LMF1: variants seen among roughly 807,000 people sequenced by gnomAD.
LMF1 encodes the protein transmembrane protein 112.
In LMF1, 68 loss-of-function variants were observed where a neutral mutation model predicts 60.6. That is an observed-to-expected ratio of 1.12 (90% CI 0.92 to 1.37). The LOEUF (loss-of-function observed/expected upper bound fraction) is 1.37. LMF1 is among the 40% of genes most tolerant of loss of function. The probability of loss-of-function intolerance (pLI) is 0.00; values close to 1 mark genes in which losing one functional copy is unlikely to be tolerated. For missense variants in LMF1, 948 were observed against 767.2 expected (o/e 1.24, Z -2.78); for synonymous variants, 418 against 324.7 (o/e 1.29, Z -3.09).
chr16:871,145 C>T lies in LMF1; in HGVS notation c.1078+16G>A, dbSNP rs1358416162. 8 of 1,560,478 alleles carry T rather than the reference C, an allele frequency of 5.1e-6. No homozygotes were observed. Among genetic ancestry groups the T allele is most frequent in the Non-Finnish European group, 6.1e-6 (7 of 1,153,194 alleles). On this transcript the variant is annotated intron_variant, in intron 7 of 10. Coordinates refer to ENST00000262301, the MANE Select transcript of LMF1 (RefSeq NM_022773.4). ...TCTCCTGCCCTTGGGCAGGGGCCCC[C>T]AGCTGAGCCACCTACCGAATCTGGG...
intron 3 of LMF1, among the ~76,000 whole-genome samples, chr16:930,400 C>G (rs560513233): frequency 6.6e-6 from 1 of 152,178 alleles, no homozygotes; most frequent in African/African-American, 2.4e-5. Context: ...CCCATCTCCA[C>G]AAAAAGTTAA....
chr16:894,468 C>T (rs989011525), intron 4 of LMF1, among the ~76,000 whole-genome samples: 2 of 151,944 alleles, frequency 1.3e-5, no homozygotes, highest in African/African-American at 4.8e-5. Flanking sequence ...CCCTGTCCAC[C>T]CGACTTCTAC....
upstream of LMF1, among the ~76,000 whole-genome samples, chr16:973,201 C>T (rs2151501404): frequency 6.6e-6 from 1 of 152,114 alleles, no homozygotes; most frequent in African/African-American, 2.4e-5. Flanking sequence ...AAAAATTAGC[C>T]AGGTGTGGTG....
At chr16:882,883 G>A (rs989892440) in intron 5 of LMF1, among the ~76,000 whole-genome samples, 33 of 146,336 alleles carry the variant, frequency 2.3e-4, no homozygotes, top group African/African-American at 7.5e-4. Context: ...GGAGAAAGAG[G>A]AGCCACCCAG....
At chr16:869,122 G>A (rs1194768724) in intron 9 of LMF1, 66 bp from the exon 10 acceptor site, 10 of 1,033,660 alleles carry the variant, frequency 9.7e-6, no homozygotes, top group East Asian at 2.4e-5. Flanking sequence ...CCCTCCGGAC[G>A]CTCGGCTGTG....
chr16:924,076 T>A (rs4984983), intron 3 of LMF1, among the ~76,000 whole-genome samples: 45,258 of 152,100 alleles, frequency 0.3, 8,651 homozygotes, highest in African/African-American at 0.53. Flanking sequence ...AGTCACAATA[T>A]TTACAGAGTC....
rs1253721806 is a variant in LMF1 at position 874,519 on chromosome 16, C to T, written c.898-3178G>A. Among the ~76,000 whole-genome samples, 6 of 152,204 alleles carry T rather than the reference C, an allele frequency of 3.9e-5. No individual in the cohort carries two copies. The South Asian group carries it at 1.0e-3, about 26-fold the overall frequency. On this transcript the variant is annotated intron_variant, in intron 6 of 10. Coordinates refer to ENST00000262301, the MANE Select transcript of LMF1 (RefSeq NM_022773.4). The surrounding 1 kb of genome is among the most constrained non-coding windows in gnomAD (Gnocchi z 4.1). ...TCCCGTGGGGTGCTGGCTGGGCGGC[C>T]GGGCTCTGCGGTCACTGCTCTTGTG...
chr16:965,397 G>C (rs1406305297), intron 1 of LMF1, among the ~76,000 whole-genome samples: 1 of 152,174 alleles, frequency 6.6e-6, no homozygotes. Flanking sequence ...GACAAGCCTT[G>C]AGGCTGAAGA....
chr16:907,229 G>C (rs538861930), intron 4 of LMF1, among the ~76,000 whole-genome samples: 1 of 152,098 alleles, frequency 6.6e-6, no homozygotes, highest in East Asian at 1.9e-4. Context: ...GTGAAACCTA[G>C]TCTCTACTAA....
upstream of LMF1, chr16:975,850 C>T (rs762573623): frequency 4.6e-5 from 21 of 453,852 alleles, 1 homozygote; most frequent in South Asian, 1.7e-4. Context: ...AGGGCCTGGG[C>T]GGCCAGGGCC....
At chr16:954,208 C>G (rs963265500) in intron 2 of LMF1, 149 bp downstream of exon 2, 1 of 871,554 alleles carries the variant, frequency 1.1e-6, no homozygotes, top group Non-Finnish European at 1.8e-6. Context: ...ACTGGCCGCT[C>G]TGCCATGGCC....
At chr16:918,045 T>C (rs1011781074) in intron 3 of LMF1, among the ~76,000 whole-genome samples, 1 of 152,206 alleles carries the variant, frequency 6.6e-6, no homozygotes, top group African/African-American at 2.4e-5. Context: ...GCGGGGCGGC[T>C]GGCTGGGTTA....
At chr16:888,688 G>T (rs1175204780) in intron 5 of LMF1, among the ~76,000 whole-genome samples, 5 of 152,158 alleles carry the variant, frequency 3.3e-5, no homozygotes, top group Admixed American at 6.5e-5. Flanking sequence ...GCCCGTCCCT[G>T]GTCGACAGAC....
In LMF1 at chr16:897,536, C is replaced by T. The variant is rs990360182; in HGVS notation, c.664-4464G>A. 6.6e-6 allele frequency among the ~76,000 whole-genome samples: 1 copy of T among 152,248 alleles called. No homozygotes were observed. Among genetic ancestry groups the T allele is most frequent in the Non-Finnish European group, 1.5e-5 (1 of 68,052 alleles). On this transcript the variant is annotated intron_variant, in intron 4 of 10. Coordinates refer to ENST00000262301, the MANE Select transcript of LMF1 (RefSeq NM_022773.4). This position sits in a 1 kb window ranked among gnomAD's most constrained non-coding sequence, Gnocchi z 4.3. ...GAATTACTCGCGACAGGTCCTGCCTCCGCAGGAGAGACTCAAAGGGGAGAG... is the reference window on the plus strand; with the variant it reads ...GAATTACTCGCGACAGGTCCTGCCTTCGCAGGAGAGACTCAAAGGGGAGAG...
chr16:921,380 T>C (rs71380209), intron 3 of LMF1, among the ~76,000 whole-genome samples: 2,743 of 152,314 alleles, frequency 0.018, 61 homozygotes, highest in Admixed American at 0.039. Flanking sequence ...CACACGGACC[T>C]GCGCTCCCTG....
intron 1 of LMF1, among the ~76,000 whole-genome samples, chr16:964,420 T>C (rs950328776): frequency 2.0e-5 from 3 of 152,214 alleles, no homozygotes; most frequent in African/African-American, 4.8e-5. Flanking sequence ...TGGTTCTTAC[T>C]GGCCGTGGTT....
chr16:873,670 G>A (rs1035827422), intron 6 of LMF1: 1 of 152,028 alleles, frequency 6.6e-6, no homozygotes, highest in African/African-American at 2.4e-5. Context: ...GGGACCCTCT[G>A]CTGAGGAAAT....
At chr16:936,663 G>A (rs1018024803) in intron 2 of LMF1, among the ~76,000 whole-genome samples, 13 of 152,200 alleles carry the variant, frequency 8.5e-5, no homozygotes, top group African/African-American at 1.4e-4. Context: ...CCCCCTTTCC[G>A]TGACCAAAAT....
intron 3 of LMF1, among the ~76,000 whole-genome samples, chr16:932,284 C>G (rs2071811084): frequency 6.6e-6 from 1 of 152,232 alleles, no homozygotes; most frequent in African/African-American, 2.4e-5. Flanking sequence ...GGTCCTGTGG[C>G]CCTGGTGCTG....
Sources: allele counts gnomAD v4.1 joint callset (sites outside exome capture counted in the v4.1 genomes callset), GRCh38; gene constraint gnomAD v4.1.1; non-coding constraint Gnocchi (gnomAD v3.1); transcripts MANE v1.5; gene names NCBI Gene and HGNC (gene_info 2026-07-23, HGNC 2026-07-21).